The following ATRX variants were observed in gnomAD, a reference collection of about 807,000 sequenced individuals.
ATRX encodes ATRX chromatin remodeler, also known as chromatin remodeler ATRX.
A neutral mutation model predicts 172.6 loss-of-function variants in ATRX; 12 were observed. That is an observed-to-expected ratio of 0.07 (90% CI 0.04 to 0.11). The LOEUF is 0.11. ATRX is among the 10% of genes least tolerant of loss of function. The pLI, the probability that ATRX is intolerant of heterozygous loss-of-function variation, is 1.00. For synonymous variants in ATRX, 674 were observed against 594.7 expected (o/e 1.13, Z -1.94); for missense variants, 1,368 against 1,767.4 (o/e 0.77, Z 4.05).
chrX:77,551,378 T>C (rs1243650763), intron 30 of ATRX, among the ~76,000 whole-genome samples: 1 of 111,936 alleles, frequency 8.9e-6, no homozygotes, highest in Non-Finnish European at 1.9e-5. Context: ...GGATTCCCTG[T>C]TTAATAAATG....
At chrX:77,510,769 C>T (rs1430521733) in intron 34 of ATRX, among the ~76,000 whole-genome samples, 3 of 112,019 alleles carry the variant, frequency 2.7e-5, no homozygotes, top group Admixed American at 9.4e-5. Flanking sequence ...CCAGCTCAGC[C>T]GAAGTAGAAT....
chrX:77,639,893 T>C (rs1241200733), intron 15 of ATRX, among the ~76,000 whole-genome samples: 6 of 112,415 alleles, frequency 5.3e-5, no homozygotes, highest in Admixed American at 3.8e-4. Flanking sequence ...ATAAGTTCAT[T>C]GCCATGCTAT....
At chrX:77,701,307 T>C (rs1368811204) in intron 2 of ATRX, among the ~76,000 whole-genome samples, 5 of 110,115 alleles carry the variant, frequency 4.5e-5, no homozygotes, top group African/African-American at 1.7e-4. Context: ...AGGTCAGGAG[T>C]TCGAGACCAG....
intron 30 of ATRX, among the ~76,000 whole-genome samples, chrX:77,532,021 T>C (rs1557046568): frequency 9.0e-6 from 1 of 110,985 alleles, no homozygotes; most frequent in Non-Finnish European, 1.9e-5. Flanking sequence ...ATGAATAAAC[T>C]CTCATTCACA....
At chrX:77,626,065 ATATATATATATATATATATG>A (rs2067834240) in intron 19 of ATRX, among the ~76,000 whole-genome samples, 1 of 49,222 alleles carries the variant, frequency 2.0e-5, no homozygotes, top group African/African-American at 7.7e-5. Flanking sequence ...ATATATATAT[ATATATATATATATATATATG>A]ATGGAATACT....
chrX:77,778,636 G>A (rs1390040346), intron 1 of ATRX, among the ~76,000 whole-genome samples: 1 of 106,194 alleles, frequency 9.4e-6, no homozygotes. Context: ...CAGGAGAATC[G>A]CTTGAACCCG....
chrX:77,768,456 T>C (rs2076048709), intron 1 of ATRX, among the ~76,000 whole-genome samples: 1 of 112,417 alleles, frequency 8.9e-6, no homozygotes, highest in South Asian at 3.6e-4. Flanking sequence ...TAAAAGGAGA[T>C]GTTTTAACTG....
At chrX:77,530,557 T>C (rs1557045959) in intron 30 of ATRX, among the ~76,000 whole-genome samples, 1 of 111,308 alleles carries the variant, frequency 9.0e-6, no homozygotes, top group Non-Finnish European at 1.9e-5. Flanking sequence ...TGGAGTGAGC[T>C]GAGATCGTGC....
At chrX:77,686,860 A>G (rs1416611015) in intron 7 of ATRX, among the ~76,000 whole-genome samples, 2 of 110,511 alleles carry the variant, frequency 1.8e-5, no homozygotes, top group African/African-American at 3.3e-5. Context: ...AAAGTGTATA[A>G]AAGATTTTTG....
At chrX:77,532,182 T>A (rs1286142310) in intron 30 of ATRX, among the ~76,000 whole-genome samples, 1 of 110,685 alleles carries the variant, frequency 9.0e-6, no homozygotes, top group East Asian at 2.8e-4. Flanking sequence ...ATAGGAAGAA[T>A]CAATAGTGTG....
chrX:77,684,367 T>G lies in ATRX; in HGVS notation c.889A>C (p.Lys297Gln). 8.3e-7 allele frequency: 1 copy of G among 1,210,233 alleles called. No individual in the cohort carries two copies. The highest frequency in any genetic ancestry group is 1.1e-6 in the Non-Finnish European group (1 of 893,931). Reference sequence around the variant, plus strand: ...CTCTTTTCACTGTCAACTTTTATCTTCTTCTTATTTTGCTGCAACAACTGT... The same window carrying G: ...CTCTTTTCACTGTCAACTTTTATCTGCTTCTTATTTTGCTGCAACAACTGT... ...LEQLLQQNKK[K>Q]IKVDSEKSNK... is the part of the protein sequence containing the mutation. Residue 297 changes from lysine to glutamine, a missense_variant, in exon 9 of 35, where the codon AAG (lysine) becomes CAG (glutamine). This residue lies in a region of ATRX where 843 missense variants were observed against 643.1 expected (regional missense o/e 1.31). Transcript: ENST00000373344.
intron 15 of ATRX, among the ~76,000 whole-genome samples, chrX:77,644,221 C>T: frequency 8.9e-6 from 1 of 112,355 alleles, no homozygotes; most frequent in Non-Finnish European, 1.9e-5. Flanking sequence ...GGATTATGGG[C>T]GTGAGCCACC....
At chrX:77,563,040 T>C (rs376436108) in intron 28 of ATRX, among the ~76,000 whole-genome samples, 1 of 112,638 alleles carries the variant, frequency 8.9e-6, no homozygotes, top group African/African-American at 3.2e-5. Flanking sequence ...TCTCCAAGTC[T>C]ATAAGTTGTC....
intron 16 of ATRX, 132 bp downstream of exon 16, chrX:77,635,783 G>C: frequency 3.7e-6 from 2 of 539,239 alleles, no homozygotes; most frequent in South Asian, 3.2e-5. Context: ...ATAAAGGCAG[G>C]GGAATTGTGG....
chrX:77,684,653 T>TA (rs1856836985), intron 8 of ATRX, 60 bp from the exon 9 acceptor site: 1 of 1,086,838 alleles, frequency 9.2e-7, no homozygotes. Flanking sequence ...AAAAGATATG[T>TA]AAAAAAATAA....
At chrX:77,604,465 A>T (rs976343703) in intron 22 of ATRX, among the ~76,000 whole-genome samples, 1 of 112,450 alleles carries the variant, frequency 8.9e-6, no homozygotes, top group African/African-American at 3.2e-5. Context: ...CCCAGTTAGA[A>T]TGGCTATTAT....
chrX:77,549,990 A>AAATGAAATG (rs1569521366), intron 30 of ATRX, among the ~76,000 whole-genome samples: 1 of 110,833 alleles, frequency 9.0e-6, no homozygotes, highest in African/African-American at 3.3e-5. Flanking sequence ...GAAATGAAAT[A>AAATGAAATG]AAATAAAATA....
intron 19 of ATRX, among the ~76,000 whole-genome samples, chrX:77,632,390 C>A (rs951996013): frequency 6.3e-5 from 7 of 111,498 alleles, no homozygotes; most frequent in Non-Finnish European, 1.1e-4. Context: ...AAACCAGCCA[C>A]AAGATTTATA....
At chrX:77,513,631 G>A (rs1446906740) in intron 34 of ATRX, among the ~76,000 whole-genome samples, 1 of 111,198 alleles carries the variant, frequency 9.0e-6, no homozygotes, top group African/African-American at 3.3e-5. Context: ...TCCGCCAGGA[G>A]GAGACCCACA....
Sources: allele counts gnomAD v4.1 joint callset (sites outside exome capture counted in the v4.1 genomes callset), GRCh38; gene constraint gnomAD v4.1.1; regional missense constraint gnomAD v4.1.1; transcripts MANE v1.5; gene names NCBI Gene and HGNC (gene_info 2026-07-23, HGNC 2026-07-21).